KCTD1: variants seen among roughly 807,000 people sequenced by gnomAD.
KCTD1 encodes potassium channel tetramerization domain containing 1.
KCTD1 carries 24 observed loss-of-function variants against 66.0 expected under a neutral mutation model. The observed-to-expected ratio is 0.36, with a 90% confidence interval of 0.26 to 0.51. The LOEUF (loss-of-function observed/expected upper bound fraction) is 0.51, where lower values mean the gene tolerates loss of function less well. KCTD1 is among the 20% of genes least tolerant of loss of function. KCTD1 has a pLI of 0.95. For synonymous variants in KCTD1, 511 were observed against 517.2 expected (o/e 0.99, Z 0.16); for missense variants, 943 against 1,205.2 (o/e 0.78, Z 3.22).
At chr18:26,505,335 A>G (rs1177892508) in intron 1 of KCTD1, among the ~76,000 whole-genome samples, 2 of 152,264 alleles carry the variant, frequency 1.3e-5, no homozygotes, top group African/African-American at 4.8e-5. Context: ...AACCAGAAAG[A>G]GTGCAAGGGA....
chr18:26,464,272 G>A (rs370498743), intron 3 of KCTD1, among the ~76,000 whole-genome samples: 5 of 152,268 alleles, frequency 3.3e-5, no homozygotes, highest in African/African-American at 4.8e-5. Flanking sequence ...CTTTTCCAGC[G>A]TCCAGAGGCT....
chr18:26,583,393 C>CAAAAAAAAAAAAAAAAAAAAAAAAA (rs55720907), intron 1 of KCTD1, among the ~76,000 whole-genome samples: 1 of 83,824 alleles, frequency 1.2e-5, no homozygotes, highest in African/African-American at 4.7e-5. Flanking sequence ...GACTTTGTCT[C>CAAAAAAAAAAAAAAAAAAAAAAAAA]AAAAAAAAAA....
chr18:26,550,565 G>GACACACACAC (rs60922405), upstream of KCTD1, among the ~76,000 whole-genome samples: 6,587 of 140,446 alleles, frequency 0.047, 220 homozygotes, highest in African/African-American at 0.065. This position sits in a 1 kb window ranked among gnomAD's most constrained non-coding sequence, Gnocchi z 5.4. Context: ...AAGACACACA[G>GACACACACAC]ACACACACAC....
In KCTD1 at chr18:26,626,102, A is replaced by G. The variant is rs113644340; in HGVS notation, c.-16+3045T>C. ...CGTGAAAGCACAGTGAAGACATGGA[A>G]AGACACTGGATCCTTCCTTAATGGG... On this transcript the variant is annotated intron_variant, in intron 1 of 4. Coordinates refer to the KCTD1 transcript ENST00000317932. 7.7e-3 allele frequency among the ~76,000 whole-genome samples: 1,174 copies of G among 152,170 alleles called. 20 individuals carry two copies. Among genetic ancestry groups the G allele is most frequent in the African/African-American group, 0.027 (1,114 of 41,500 alleles).
chr18:26,620,833 CTTTT>C (rs67862567), intron 1 of KCTD1, among the ~76,000 whole-genome samples: 5 of 118,344 alleles, frequency 4.2e-5, no homozygotes, highest in Non-Finnish European at 5.1e-5. Context: ...ACTTGAAAAG[CTTTT>C]TTTTTTTTTT....
At chr18:26,586,715 C>A (rs529316418) in intron 1 of KCTD1, among the ~76,000 whole-genome samples, 1 of 152,316 alleles carries the variant, frequency 6.6e-6, no homozygotes, top group South Asian at 2.1e-4. Context: ...AGCCTTATTG[C>A]TGATATGGAG....
In KCTD1 at chr18:26,500,462, T is replaced by TGGGA. The variant is rs528780623; in HGVS notation, c.1988+606_1988+609dup. On this transcript the variant is annotated intron_variant, in intron 2 of 4. Coordinates refer to ENST00000580059, the MANE Select transcript of KCTD1 (RefSeq NM_001142730.3). ...TAAAAAAAATGGGTGGGCAGGGGCA[T>TGGGA]GGGAGGAGATATCTCATAAACATAA... Among the ~76,000 whole-genome samples the TGGGA allele has an allele frequency of 5.9e-3, 895 of 152,206 alleles. 9 individuals are homozygous for TGGGA. The highest frequency in any genetic ancestry group is 0.02 in the African/African-American group (850 of 41,536).
intron 1 of KCTD1, among the ~76,000 whole-genome samples, chr18:26,532,865 T>A (rs1017080036): frequency 6.6e-6 from 1 of 152,208 alleles, no homozygotes; most frequent in African/African-American, 2.4e-5. Flanking sequence ...AGTTTTCCTG[T>A]CTTTCCCACT....
In KCTD1 at chr18:26,532,257, CCTTCTT is replaced by C. The variant is rs1306269649; in HGVS notation, c.1809+14465_1809+14470del. Among the ~76,000 whole-genome samples the C allele has an allele frequency of 1.0e-2, 1,278 of 128,160 alleles. 90 individuals carry two copies. Among genetic ancestry groups the C allele is most frequent in the African/African-American group, 0.04 (1,196 of 29,624 alleles). 84.1% of individuals were successfully genotyped at this position (128,160 alleles called of 152,430 possible). ...TATTCTTTTTCTTTTTCTTTTCTTT[CCTTCTT>C]TTTTTTTTTTTTTTTTTTTTTTTTG... On this transcript the variant is annotated intron_variant, in intron 1 of 4. Transcript: ENST00000580059.
upstream of KCTD1, among the ~76,000 whole-genome samples, chr18:26,552,110 G>T (rs1985588034): frequency 6.6e-6 from 1 of 152,086 alleles, no homozygotes; most frequent in African/African-American, 2.4e-5. Context: ...GGGGTGGGGG[G>T]TCTCTTTGTA....
upstream of KCTD1, among the ~76,000 whole-genome samples, chr18:26,629,505 A>G (rs1987571751): frequency 6.6e-6 from 1 of 152,214 alleles, no homozygotes; most frequent in African/African-American, 2.4e-5. Flanking sequence ...TTACAATTGT[A>G]ATAAGAGCTG....
intron 1 of KCTD1, among the ~76,000 whole-genome samples, chr18:26,615,278 GT>G (rs1987225232): frequency 1.3e-5 from 2 of 152,160 alleles, no homozygotes; most frequent in South Asian, 4.1e-4. Context: ...AACCAAACCT[GT>G]GAGTCAGGTG....
intron 1 of KCTD1, among the ~76,000 whole-genome samples, chr18:26,524,900 G>C (rs1382937771): frequency 1.3e-5 from 2 of 152,044 alleles, no homozygotes; most frequent in East Asian, 3.8e-4. Context: ...TCATTTGTTA[G>C]AGGCACGACT....
chr18:26,595,652 G>A (rs1986749279), intron 1 of KCTD1, among the ~76,000 whole-genome samples: 1 of 152,222 alleles, frequency 6.6e-6, no homozygotes, highest in African/African-American at 2.4e-5. Context: ...ACCTACCTGA[G>A]GCTCATCACT....
intron 1 of KCTD1, among the ~76,000 whole-genome samples, chr18:26,568,016 G>A (rs1986022370): frequency 6.6e-6 from 1 of 152,158 alleles, no homozygotes; most frequent in Admixed American, 6.5e-5. Context: ...AGGATTTTAA[G>A]TTAGCACAAC....
chr18:26,564,763 C>A (rs1985942522), intron 1 of KCTD1, among the ~76,000 whole-genome samples: 1 of 152,058 alleles, frequency 6.6e-6, no homozygotes, highest in Non-Finnish European at 1.5e-5. Flanking sequence ...GTGATGCACG[C>A]CTGTAATTCC....
At chr18:26,631,385 AG>A (rs1396628917), upstream of KCTD1, among the ~76,000 whole-genome samples, 1 of 152,204 alleles carries the variant, frequency 6.6e-6, no homozygotes. Context: ...TATTGCTCCT[AG>A]GCCACAAACC....
intron 1 of KCTD1, among the ~76,000 whole-genome samples, chr18:26,604,042 A>T (rs1041641003): frequency 6.6e-6 from 1 of 150,806 alleles, no homozygotes; most frequent in Non-Finnish European, 1.5e-5. Context: ...AGCATCTATA[A>T]GGAACTTAAA....
chr18:26,564,705 C>T (rs1985940864), intron 1 of KCTD1, among the ~76,000 whole-genome samples: 1 of 152,046 alleles, frequency 6.6e-6, no homozygotes, highest in African/African-American at 2.4e-5. Context: ...GCCTGATCGA[C>T]ATGGTGAAAC....
Sources: gnomAD v4.1 joint callset for allele counts (sites outside exome capture counted in the v4.1 genomes callset) on GRCh38, gnomAD v4.1.1 for gene constraint, Gnocchi (gnomAD v3.1) non-coding constraint, MANE v1.5 for transcripts, NCBI Gene and HGNC (gene_info 2026-07-23, HGNC 2026-07-21) for gene names.